The following EPG5 variants were observed in gnomAD, a reference collection of about 807,000 sequenced individuals.
The protein encoded by EPG5 is ectopic P-granules 5 autophagy tethering factor.
Under a neutral mutation model 302.7 loss-of-function variants are expected in EPG5, and 159 were observed. The ratio of observed to expected loss-of-function variants is 0.53; its 90% CI spans 0.46 to 0.60. EPG5 has a LOEUF of 0.60. EPG5 is among the 20% of genes least tolerant of loss of function. The pLI is 0.00. For synonymous variants in EPG5, 1,158 were observed against 1,136.8 expected (o/e 1.02, Z -0.37); for missense variants, 2,896 against 3,092.4 (o/e 0.94, Z 1.51).
intron 35 of EPG5, among the ~76,000 whole-genome samples, chr18:45,874,443 A>G (rs565039395): frequency 2.0e-4 from 31 of 152,358 alleles, no homozygotes; most frequent in African/African-American, 7.2e-4. Flanking sequence ...AGACATATCC[A>G]AGACTGGGTA....
At chr18:45,862,974 T>C (rs2145231990) in intron 39 of EPG5, among the ~76,000 whole-genome samples, 1 of 152,348 alleles carries the variant, frequency 6.6e-6, no homozygotes, top group South Asian at 2.1e-4. Flanking sequence ...ATTTCCACAG[T>C]GTTTTTCCCT....
chr18:45,866,223 G>T (rs1038363045), intron 38 of EPG5, among the ~76,000 whole-genome samples: 1 of 151,084 alleles, frequency 6.6e-6, no homozygotes. Flanking sequence ...GGGTTCAAGC[G>T]ATTCTCCTAC....
At chr18:45,918,421 A>G (rs895615899) in intron 16 of EPG5, among the ~76,000 whole-genome samples, 4 of 152,214 alleles carry the variant, frequency 2.6e-5, no homozygotes, top group Non-Finnish European at 5.9e-5. Context: ...CAGATTTTGG[A>G]GCATTTCAAA....
At position 45,876,224 on chromosome 18, in the gene EPG5, A is replaced by C; in HGVS notation, c.6049+12T>G. The stretch of plus-strand genomic sequence containing the variant: ...ATGAAAACTAAGCAGAGACAGCCTG[A>C]CATCTTCCTACCTTTAAAACTCTCA... On this transcript the variant is annotated intron_variant, in intron 35 of 43. Transcript: ENST00000282041. The C allele has an allele frequency of 6.3e-7, 1 of 1,584,076 alleles. No individual in the cohort carries two copies. The highest frequency in any genetic ancestry group is 1.7e-4 in the Middle Eastern group (1 of 6,006).
intron 40 of EPG5, 31 bp downstream of exon 40, chr18:45,860,073 T>C (rs776252540): frequency 1.9e-6 from 3 of 1,612,976 alleles, no homozygotes; most frequent in South Asian, 1.1e-5. Context: ...AAAAGACCAA[T>C]ACAATGGAGC....
the EPG5 span, chr18:45,840,350 T>A: frequency 7.7e-7 from 1 of 1,291,936 alleles, no homozygotes; most frequent in South Asian, 1.5e-5. Flanking sequence ...GGGGCTGGGG[T>A]CCTACTTTGA....
At chr18:45,884,932 G>A in intron 29 of EPG5, 121 bp from the exon 30 acceptor site, 1 of 614,270 alleles carries the variant, frequency 1.6e-6, no homozygotes, top group East Asian at 3.4e-5. Context: ...ACAAAAGTCT[G>A]AAACAATCAA....
chr18:45,862,639 T>C (rs1449129335), intron 39 of EPG5, among the ~76,000 whole-genome samples: 1 of 152,192 alleles, frequency 6.6e-6, no homozygotes, highest in Non-Finnish European at 1.5e-5. Flanking sequence ...GCTCCTTCTC[T>C]GGCCATGTGG....
chr18:45,908,948 C>CAA lies in EPG5; in HGVS notation c.4206-869_4206-868dup, dbSNP rs200257740. ...TGGGTGACAGAGCAAGACTCTGCCT[C>CAA]AAAAAAAAAAAAAAATTCCAATTTT... is the stretch of plus-strand genomic sequence containing the variant. On this transcript the variant is annotated intron_variant, in intron 23 of 43. Coordinates refer to ENST00000282041, the MANE Select transcript of EPG5 (RefSeq NM_020964.3). Among the ~76,000 whole-genome samples, 369 of 114,706 alleles carry CAA rather than the reference C, an allele frequency of 3.2e-3. 6 individuals are homozygous for CAA. Among genetic ancestry groups the CAA allele is most frequent in the African/African-American group, 0.011 (355 of 31,850 alleles). The allele number at this position is 114,706 out of a possible 152,430, so 75.3% of individuals were successfully genotyped here. A position where few individuals can be genotyped will look rare whatever the true frequency, so the allele number is the denominator to read the frequency against.
chr18:45,855,004 T>G (rs567688584), intron 43 of EPG5, among the ~76,000 whole-genome samples: 31 of 152,240 alleles, frequency 2.0e-4, no homozygotes, highest in African/African-American at 7.2e-4. Flanking sequence ...CATCATTTTT[T>G]ACTGTGCACC....
chr18:45,845,563 A>G (rs1252531770), downstream of EPG5, among the ~76,000 whole-genome samples: 1 of 152,194 alleles, frequency 6.6e-6, no homozygotes, highest in Non-Finnish European at 1.5e-5. Context: ...CAGAGTACTC[A>G]GGCTCTGTCA....
At chr18:45,878,252 T>C (rs903252248) in intron 34 of EPG5, 124 bp downstream of exon 34, 2 of 649,082 alleles carry the variant, frequency 3.1e-6, no homozygotes, top group Non-Finnish European at 5.4e-6. Context: ...AAGCCTTTTC[T>C]AAATTTAAAT....
rs561558321 is a variant in EPG5, at chr18:45,942,730, G to A, written c.1943+431C>T. 7.9e-5 allele frequency among the ~76,000 whole-genome samples: 12 copies of A among 152,244 alleles called. No individual in the cohort carries two copies. In the South Asian group the frequency reaches 1.9e-3, roughly 24 times the overall value. On this transcript the variant is annotated intron_variant, in intron 9 of 43. Transcript: ENST00000282041. Reference sequence around the variant, plus strand: ...GGAAGGAAGTTGAATAACAGCATACGTATATGCTATAAGAAATGATCCAGT... The same window carrying A: ...GGAAGGAAGTTGAATAACAGCATACATATATGCTATAAGAAATGATCCAGT...
intron 13 of EPG5, among the ~76,000 whole-genome samples, chr18:45,927,593 TACACACACACACACAC>T (rs67488772): frequency 3.7e-5 from 5 of 133,426 alleles, no homozygotes; most frequent in Admixed American, 1.6e-4. Flanking sequence ...CAAAAAGTTA[TACACACACACACACAC>T]ACACACACAC....
intron 43 of EPG5, 76 bp downstream of exon 43, chr18:45,855,497 G>T: frequency 1.0e-6 from 1 of 999,490 alleles, no homozygotes; most frequent in Non-Finnish European, 1.6e-6. Flanking sequence ...GACGCGCACA[G>T]GCTACGGCTG....
chr18:45,901,795 A>T (rs1413017227), intron 25 of EPG5, among the ~76,000 whole-genome samples: 2 of 152,094 alleles, frequency 1.3e-5, no homozygotes, highest in Non-Finnish European at 2.9e-5. Flanking sequence ...ACACACACAC[A>T]CAAAGGTGAA....
intron 9 of EPG5, 142 bp downstream of exon 9, chr18:45,943,019 G>A (rs2050704474): frequency 1.3e-6 from 1 of 750,498 alleles, no homozygotes; most frequent in Non-Finnish European, 2.1e-6. Context: ...CCATCTTATA[G>A]ATGGTGAAGA....
chr18:45,922,323 T>A lies in EPG5; in HGVS notation c.3098+18A>T, dbSNP rs752320871. 26 of 1,612,202 alleles carry A rather than the reference T, an allele frequency of 1.6e-5. No homozygotes were observed. The East Asian group carries it at 5.8e-4, about 36-fold the overall frequency. On this transcript the variant is annotated intron_variant, in intron 16 of 43. Transcript: ENST00000282041. ...CTGCAAGGTTCAGTAACCCTAGTGG[T>A]TCAGCCCAACACTGTACCTGTGGCC...
Position 45,922,474 on chromosome 18 carries a change from G to T in EPG5, c.2965C>A (p.Pro989Thr). Residue 989 changes from proline to threonine, a missense_variant, in exon 16 of 44, where the codon CCA (proline) becomes ACA (threonine). By Grantham distance (38) the Pro-to-Thr change is conservative. Around this residue, in one of 5 missense-constraint regions of EPG5, gnomAD observed 1,390 missense variants for 1,430.0 expected, o/e 0.97. Transcript: ENST00000282041. ...ACAGTGACGGAGAAGGGAACAGCTG[G>T]ACAATTCGGCTGTATTCCATAATCG... ...KNDYGIQPNC[P>T]AVPFSVTVPD... is the part of the protein sequence containing the mutation. 1 of 1,614,212 alleles carries T rather than the reference G, an allele frequency of 6.2e-7. No individual in the cohort carries two copies. The highest frequency in any genetic ancestry group is 8.5e-7 in the Non-Finnish European group (1 of 1,180,040).
Sources: allele counts gnomAD v4.1 joint callset (sites outside exome capture counted in the v4.1 genomes callset), GRCh38; gene constraint gnomAD v4.1.1; regional missense constraint gnomAD v4.1.1; transcripts MANE v1.5; gene names NCBI Gene and HGNC (gene_info 2026-07-23, HGNC 2026-07-21).